The following SUSD5 variants were observed in gnomAD, a reference collection of about 807,000 sequenced individuals.
SUSD5 encodes sushi domain-containing protein 5.
A neutral mutation model predicts 29.5 loss-of-function variants in SUSD5; 33 were observed. The observed-to-expected ratio is 1.12, with a 90% CI of 0.85 to 1.49. The LOEUF is 1.49. SUSD5 is among the 40% of genes most tolerant of loss of function. The pLI is 0.00. For missense variants in SUSD5, 776 were observed against 800.6 expected, an observed-to-expected ratio of 0.97 and a Z score of 0.37; for synonymous variants, 308 against 325.3, an observed-to-expected ratio of 0.95 and a Z score of 0.57.
At chr3:33,181,628 T>C (rs2031675741) in intron 3 of SUSD5, among the ~76,000 whole-genome samples, 1 of 152,122 alleles carries the variant, frequency 6.6e-6, no homozygotes, top group Non-Finnish European at 1.5e-5. Context: ...CCTTCTCAGC[T>C]TCCCAAAGTG....
chr3:33,196,319 G>T (rs2031995035), intron 3 of SUSD5, among the ~76,000 whole-genome samples: 1 of 152,236 alleles, frequency 6.6e-6, no homozygotes, highest in South Asian at 2.1e-4. Context: ...GTCAGTGATG[G>T]AGGCTTGGTT....
intron 3 of SUSD5, among the ~76,000 whole-genome samples, chr3:33,199,807 T>C (rs1054499652): frequency 6.6e-6 from 1 of 152,196 alleles, no homozygotes; most frequent in Non-Finnish European, 1.5e-5. Flanking sequence ...TCCTCCAAAC[T>C]TCATGTTGAA....
At chr3:33,214,196 C>G (rs956406100) in intron 1 of SUSD5, 91 bp from the exon 2 acceptor site, 15 of 1,317,978 alleles carry the variant, frequency 1.1e-5, no homozygotes, top group Non-Finnish European at 1.5e-5. Context: ...CCAGTTAGAA[C>G]TGTAGTCCTT....
chr3:33,178,083 TC>T (rs1195808907), intron 3 of SUSD5, among the ~76,000 whole-genome samples: 1 of 152,236 alleles, frequency 6.6e-6, no homozygotes, highest in Non-Finnish European at 1.5e-5. Flanking sequence ...CTACCCTTAA[TC>T]ATGATGTTAG....
intron 2 of SUSD5, among the ~76,000 whole-genome samples, chr3:33,209,527 G>T: frequency 6.7e-6 from 1 of 149,930 alleles, no homozygotes; most frequent in Non-Finnish European, 1.5e-5. Flanking sequence ...CCTCTCTTTG[G>T]CTCTTTTTTT....
At chr3:33,211,226 G>A (rs981867479) in intron 2 of SUSD5, among the ~76,000 whole-genome samples, 2 of 152,032 alleles carry the variant, frequency 1.3e-5, no homozygotes, top group East Asian at 1.9e-4. Context: ...TATCATTTCA[G>A]CCTGCAGAGA....
At chr3:33,194,563 G>T (rs996117571) in intron 3 of SUSD5, among the ~76,000 whole-genome samples, 1 of 152,138 alleles carries the variant, frequency 6.6e-6, no homozygotes, top group African/African-American at 2.4e-5. Context: ...GGAAGTGTGT[G>T]GTCAAGTACT....
chr3:33,175,540 C>T (rs1371624044), intron 3 of SUSD5, among the ~76,000 whole-genome samples: 1 of 151,472 alleles, frequency 6.6e-6, no homozygotes, highest in Non-Finnish European at 1.5e-5. Context: ...TTGGTATACA[C>T]AAAAATTACA....
rs192285396 is a variant in SUSD5, at chr3:33,167,135, C to A, written c.598+7751G>T. Reference sequence around the variant, plus strand: ...CGGAGGGTGCAGTGAGCCGAGATCACACCACTGCACTCCAGCCTGGGCAAC... The same window carrying A: ...CGGAGGGTGCAGTGAGCCGAGATCAAACCACTGCACTCCAGCCTGGGCAAC... On this transcript the variant is annotated intron_variant, in intron 4 of 4. Transcript: ENST00000309558. The surrounding 1 kb of genome is among the most constrained non-coding windows in gnomAD (Gnocchi z 4.1). 2.0e-5 allele frequency among the ~76,000 whole-genome samples: 3 copies of A among 151,920 alleles called. No individual in the cohort carries two copies. The highest frequency in any genetic ancestry group is 2.1e-4 in the South Asian group (1 of 4,810).
rs574787160 is a variant in SUSD5, at chr3:33,162,377, C to T, written c.599-8344G>A. ...AGGCTGAAAAATCACATTGATTTCC[C>T]GAAGCTGGGTAAAGAAAATTAAGTT... On this transcript the variant is annotated intron_variant, in intron 4 of 4. Transcript: ENST00000309558. 2.0e-5 allele frequency among the ~76,000 whole-genome samples: 3 copies of T among 151,896 alleles called. No individual in the cohort carries two copies. In the East Asian group the frequency reaches 5.8e-4, roughly 29 times the overall value.
intron 3 of SUSD5, among the ~76,000 whole-genome samples, chr3:33,176,081 T>C (rs1183936375): frequency 6.6e-6 from 1 of 152,220 alleles, no homozygotes; most frequent in Admixed American, 6.5e-5. Context: ...AGAATTCACA[T>C]AGTTGGAATC....
At chr3:33,217,255 C>T (rs900816304) in intron 1 of SUSD5, among the ~76,000 whole-genome samples, 2 of 152,160 alleles carry the variant, frequency 1.3e-5, no homozygotes, top group African/African-American at 4.8e-5. Context: ...ATTCTACTTG[C>T]ATTCTTTAAA....
At chr3:33,182,040 T>A (rs1192755481) in intron 3 of SUSD5, among the ~76,000 whole-genome samples, 2 of 152,262 alleles carry the variant, frequency 1.3e-5, no homozygotes, top group Admixed American at 6.5e-5. Flanking sequence ...ATTATTGATT[T>A]TAGATCTTTC....
At chr3:33,208,509 A>G (rs1437080390) in intron 2 of SUSD5, among the ~76,000 whole-genome samples, 1 of 152,132 alleles carries the variant, frequency 6.6e-6, no homozygotes, top group African/African-American at 2.4e-5. Context: ...CCTCCTGTCT[A>G]CTAATACTTA....
chr3:33,192,575 A>T (rs1466072471), intron 3 of SUSD5, among the ~76,000 whole-genome samples: 1 of 151,830 alleles, frequency 6.6e-6, no homozygotes, highest in Non-Finnish European at 1.5e-5. Flanking sequence ...TAGGAGGCCA[A>T]GGCAGGTGGA....
intron 4 of SUSD5, among the ~76,000 whole-genome samples, chr3:33,158,729 A>G (rs779013227): frequency 2.0e-5 from 3 of 152,156 alleles, no homozygotes; most frequent in Admixed American, 6.5e-5. Flanking sequence ...TTGAGGATGA[A>G]TATCCCTGTT....
At chr3:33,213,873 A>G (rs899094760) in intron 2 of SUSD5, 55 bp downstream of exon 2, 2 of 1,535,336 alleles carry the variant, frequency 1.3e-6, no homozygotes, top group Admixed American at 3.8e-5. Flanking sequence ...AGTCCTATAT[A>G]AGCCTTGGTG....
chr3:33,163,931 C>A (rs1445150813), intron 4 of SUSD5, among the ~76,000 whole-genome samples: 1 of 152,032 alleles, frequency 6.6e-6, no homozygotes, highest in African/African-American at 2.4e-5. Context: ...ACCCGGGAGG[C>A]GGAGCTTGCA....
At chr3:33,189,796 T>A (rs2031854801) in intron 3 of SUSD5, among the ~76,000 whole-genome samples, 2 of 152,188 alleles carry the variant, frequency 1.3e-5, no homozygotes, top group Admixed American at 1.3e-4. Context: ...CCTTTGCCTT[T>A]AAGATGCAGA....
Sources: allele counts gnomAD v4.1 joint callset (sites outside exome capture counted in the v4.1 genomes callset), GRCh38; gene constraint gnomAD v4.1.1; non-coding constraint Gnocchi (gnomAD v3.1); transcripts MANE v1.5; gene names NCBI Gene and HGNC (gene_info 2026-07-23, HGNC 2026-07-21).